The following GAS7 variants were observed in gnomAD, a reference collection of about 807,000 sequenced individuals.
The protein encoded by GAS7 is growth arrest specific 7.
GAS7 carries 28 observed loss-of-function variants against 71.1 expected under a neutral mutation model. The observed-to-expected ratio is 0.39, with a 90% CI of 0.29 to 0.54. The LOEUF is 0.54. Among genes scored for constraint, GAS7 ranks in the 20% least tolerant of loss-of-function variants. The probability of loss-of-function intolerance (pLI) is 0.62; values close to 1 mark genes in which losing one functional copy is unlikely to be tolerated. For missense variants in GAS7, 436 were observed against 627.8 expected (o/e 0.69, Z 3.27); for synonymous variants, 258 against 245.8 (o/e 1.05, Z -0.46).
Position 9,943,219 on chromosome 17 carries a change from G to A in GAS7, c.633C>T (p.Pro211=), listed in dbSNP as rs1192741477. ...ACCCAGCCACGGTGCCGTTGCCTTG[G>A]GGGTCCTTCTTATCAGCCTACAAAG... ...CDYFWADKKD[P]QGNGTVAGFE... Residue 211 remains proline, a synonymous_variant, in exon 7 of 14, where the codon CCC becomes CCT. Coordinates refer to ENST00000432992, the MANE Select transcript of GAS7 (RefSeq NM_201433.2). 2 of 1,607,674 alleles carry A rather than the reference G, an allele frequency of 1.2e-6. No homozygotes were observed. The highest frequency in any genetic ancestry group is 3.3e-5 in the Admixed American group (2 of 59,970).
chr17:10,150,671 C>T lies in GAS7; in HGVS notation c.183+47537G>A, dbSNP rs561339687. Among the ~76,000 whole-genome samples the T allele has an allele frequency of 4.0e-5, 6 of 150,682 alleles. No individual in the cohort carries two copies. The South Asian group carries it at 1.3e-3, about 32-fold the overall frequency. On this transcript the variant is annotated intron_variant, in intron 1 of 13. Transcript: ENST00000432992. Reference sequence around the variant, plus strand: ...TGGCACGATCTCGGCTCACTGCAACCTCTGCCTCACAGGCTCAAGCAATTC... The same window carrying T: ...TGGCACGATCTCGGCTCACTGCAACTTCTGCCTCACAGGCTCAAGCAATTC...
chr17:10,164,687 G>GA (rs936600705), intron 1 of GAS7, among the ~76,000 whole-genome samples: 31 of 141,016 alleles, frequency 2.2e-4, no homozygotes, highest in East Asian at 1.2e-3. Context: ...CTTTAAAAAT[G>GA]AAAAAAAAAA....
At chr17:9,990,933 T>C (rs1198405935) in intron 2 of GAS7, among the ~76,000 whole-genome samples, 3 of 152,170 alleles carry the variant, frequency 2.0e-5, no homozygotes, top group Non-Finnish European at 4.4e-5. Flanking sequence ...CCCAGATCTA[T>C]TCCTTTTAAC....
intron 1 of GAS7, among the ~76,000 whole-genome samples, chr17:10,194,348 C>T (rs2074524562): frequency 2.0e-5 from 3 of 152,176 alleles, no homozygotes. Flanking sequence ...TTCTTCTCTC[C>T]ATTCAAGGAA....
At chr17:9,989,644 G>A (rs1422472996) in intron 2 of GAS7, among the ~76,000 whole-genome samples, 1 of 152,140 alleles carries the variant, frequency 6.6e-6, no homozygotes, top group Non-Finnish European at 1.5e-5. Context: ...ACACACTAAG[G>A]AGAATAAAGC....
intron 5 of GAS7, among the ~76,000 whole-genome samples, chr17:9,957,278 A>G (rs2069281789): frequency 6.6e-6 from 1 of 152,212 alleles, no homozygotes; most frequent in South Asian, 2.1e-4. Flanking sequence ...GAGGCTTGAG[A>G]ATACAATTTG....
At chr17:10,082,704 A>T (rs951407997) in intron 1 of GAS7, among the ~76,000 whole-genome samples, 1 of 152,230 alleles carries the variant, frequency 6.6e-6, no homozygotes, top group Non-Finnish European at 1.5e-5. Context: ...TTCACAGCAG[A>T]TTTATTCATA....
intron 1 of GAS7, among the ~76,000 whole-genome samples, chr17:10,074,633 C>T (rs988490162): frequency 2.6e-5 from 4 of 152,158 alleles, no homozygotes; most frequent in African/African-American, 4.8e-5. Context: ...AACCTTCAAA[C>T]GAATTGATTC....
At chr17:10,121,822 C>T (rs1219027278) in intron 1 of GAS7, among the ~76,000 whole-genome samples, 2 of 152,076 alleles carry the variant, frequency 1.3e-5, no homozygotes, top group Non-Finnish European at 2.9e-5. Flanking sequence ...CCAAGCCTCC[C>T]AAAAAAGTCT....
intron 1 of GAS7, among the ~76,000 whole-genome samples, chr17:10,126,408 G>C (rs2073948522): frequency 1.4e-5 from 2 of 145,932 alleles, no homozygotes; most frequent in South Asian, 2.2e-4. Context: ...ACACAAACGT[G>C]CAAACACGCA....
chr17:10,146,643 G>C (rs2074123121), intron 1 of GAS7, among the ~76,000 whole-genome samples: 1 of 152,092 alleles, frequency 6.6e-6, no homozygotes, highest in South Asian at 2.1e-4. Context: ...TTTCAAAACT[G>C]ACCACCTCAG....
At chr17:9,963,546 T>C (rs2069586140) in intron 4 of GAS7, among the ~76,000 whole-genome samples, 1 of 151,918 alleles carries the variant, frequency 6.6e-6, no homozygotes, top group East Asian at 1.9e-4. Context: ...CCTGAAGGGA[T>C]CCTGGACTGG....
chr17:9,930,898 G>A (rs532401712), intron 9 of GAS7, among the ~76,000 whole-genome samples: 1 of 152,324 alleles, frequency 6.6e-6, no homozygotes, highest in East Asian at 1.9e-4. Flanking sequence ...AGAGCCTCTC[G>A]TAGCAAAGTC....
intron 1 of GAS7, among the ~76,000 whole-genome samples, chr17:10,052,578 A>G (rs2073077365): frequency 6.6e-6 from 1 of 152,242 alleles, no homozygotes; most frequent in African/African-American, 2.4e-5. Flanking sequence ...CAGCTGGCAG[A>G]GCTGGGAGTC....
At chr17:10,094,612 A>G (rs1280197112) in intron 1 of GAS7, among the ~76,000 whole-genome samples, 3 of 152,002 alleles carry the variant, frequency 2.0e-5, no homozygotes, top group Non-Finnish European at 2.9e-5. Context: ...GAGACCACAG[A>G]CACGCGCCAC....
At chr17:10,083,338 C>T (rs1484340796) in intron 1 of GAS7, among the ~76,000 whole-genome samples, 1 of 152,112 alleles carries the variant, frequency 6.6e-6, no homozygotes, top group South Asian at 2.1e-4. Context: ...ACCAGCGTGG[C>T]CAACATGGTA....
In GAS7 at chr17:10,198,378, G is replaced by C. The variant is rs1365326563; in HGVS notation, c.13C>G (p.Arg5Gly). Residue 5 changes from arginine (R) to glycine (G), a missense_variant, in exon 1 of 14, where the codon CGC becomes GGC. Coordinates refer to ENST00000432992, the MANE Select transcript of GAS7 (RefSeq NM_201433.2). MSGA[R>G]CRTLYPFSGE... ...GAGAAGGGGTACAGGGTCCGGCAGC[G>C]AGCGCCGGACATGGCCTTGGCGCCC... 1 of 1,586,538 alleles carries C rather than the reference G, an allele frequency of 6.3e-7. No individual in the cohort carries two copies.
At chr17:9,966,155 C>A (rs555450231) in intron 4 of GAS7, among the ~76,000 whole-genome samples, 2 of 151,954 alleles carry the variant, frequency 1.3e-5, no homozygotes, top group Non-Finnish European at 2.9e-5. Flanking sequence ...CCCGCCACCA[C>A]GCCCGGCTAA....
rs147752344 is a variant in GAS7 at position 9,961,592 on chromosome 17, A to T, written c.472-2337T>A. On this transcript the variant is annotated intron_variant, in intron 4 of 13. Coordinates refer to ENST00000432992, the MANE Select transcript of GAS7 (RefSeq NM_201433.2). ...TCGAGTCTGCCTATGGATGCTGATG[A>T]TGTTGGTGATGAGGGGGCTAAGGGG... Among the ~76,000 whole-genome samples, 74 of 152,232 alleles carry T rather than the reference A, an allele frequency of 4.9e-4. No individual in the cohort carries two copies. The East Asian group carries it at 9.5e-3, about 19-fold the overall frequency.
Sources: gnomAD v4.1 joint callset for allele counts (sites outside exome capture counted in the v4.1 genomes callset) on GRCh38, gnomAD v4.1.1 for gene constraint, MANE v1.5 for transcripts, NCBI Gene and HGNC (gene_info 2026-07-23, HGNC 2026-07-21) for gene names.